Variants in FRAS1 observed in about 807,000 individuals in gnomAD.
FRAS1 encodes extracellular matrix organizing protein FRAS1.
In FRAS1, 290 loss-of-function variants were observed where a neutral mutation model predicts 435.2. The ratio of observed to expected loss-of-function variants is 0.67; its 90% CI spans 0.61 to 0.73. The LOEUF is 0.73. FRAS1 is among the 30% of genes least tolerant of loss of function. FRAS1 has a pLI of 0.00. For synonymous variants in FRAS1, 1,800 were observed against 1,851.0 expected (o/e 0.97, Z 0.71); for missense variants, 4,860 against 5,001.5 (o/e 0.97, Z 0.85).
chr4:78,333,166 G>A (rs1054072365), intron 18 of FRAS1, 106 bp from the exon 19 acceptor site: 1 of 1,308,626 alleles, frequency 7.6e-7, no homozygotes, highest in African/African-American at 1.5e-5. Context: ...CCAAGTGAAT[G>A]TACAGAACAT....
rs573729663 is a variant in FRAS1 at position 78,530,614 on chromosome 4, G to C, written c.10926-3835G>C. 3.9e-5 allele frequency among the ~76,000 whole-genome samples: 6 copies of C among 152,256 alleles called. No individual in the cohort carries two copies. In the South Asian group the frequency reaches 1.2e-3, roughly 32 times the overall value. On this transcript the variant is annotated intron_variant, in intron 70 of 73. Coordinates refer to ENST00000512123, the MANE Select transcript of FRAS1 (RefSeq NM_025074.7). ...AAACTGAAACTGGACTCCATTGCTT[G>C]TTTTTATCAGGTTTTTCAAAGATCA...
At chr4:78,208,726 A>T (rs1429916684) in intron 2 of FRAS1, among the ~76,000 whole-genome samples, 1 of 152,184 alleles carries the variant, frequency 6.6e-6, no homozygotes, top group African/African-American at 2.4e-5. Context: ...ACTTATATTA[A>T]ACTTTTTCTA....
chr4:78,266,908 G>T lies in FRAS1; in HGVS notation c.762G>T (p.Gln254His). Residue 254 changes from glutamine (Q) to histidine (H), a missense_variant, in exon 8 of 74, where the codon CAG becomes CAT. Gln to His is a conservative substitution (Grantham distance 24, BLOSUM62 0). Transcript: ENST00000512123. ...CDRGEVRCHK[Q>H]ACLPLRCGKG... Reference sequence around the variant, plus strand: ...GGGGTGAGGTCAGGTGTCACAAGCAGGCCTGCCTGCCCCTGAGATGCGGAA... The same window carrying T: ...GGGGTGAGGTCAGGTGTCACAAGCATGCCTGCCTGCCCCTGAGATGCGGAA... 6.2e-7 allele frequency: 1 copy of T among 1,607,778 alleles called. No homozygotes were observed.
In FRAS1 at chr4:78,379,885, T is replaced by C; in HGVS notation, c.3452T>C (p.Leu1151Pro). Residue 1151 changes from leucine to proline, a missense_variant, in exon 27 of 74, where the codon CTA becomes CCA. Transcript: ENST00000512123. ...HVVSTPTNGQ[L>P]VLSRNGKEVQ... ...GTGAGCACTCCCACCAATGGTCAGC[T>C]AGTGCTCTCAAGAAATGGAAAAGAG... The C allele has an allele frequency of 6.2e-7, 1 of 1,613,914 alleles. No individual in the cohort carries two copies. Among genetic ancestry groups the C allele is most frequent in the Non-Finnish European group, 8.5e-7 (1 of 1,179,858 alleles).
At chr4:78,358,477 T>G (rs988116238) in intron 20 of FRAS1, among the ~76,000 whole-genome samples, 13 of 152,202 alleles carry the variant, frequency 8.5e-5, no homozygotes, top group African/African-American at 2.9e-4. Flanking sequence ...CTGGACTTAG[T>G]CTATATATGA....
chr4:78,533,739 G>A (rs2867445), intron 70 of FRAS1, among the ~76,000 whole-genome samples: 67,441 of 152,012 alleles, frequency 0.44, 15,546 homozygotes, highest in East Asian at 0.79. Flanking sequence ...CTGAGTTTGG[G>A]TTATCTGACA....
chr4:78,163,774 T>C (rs1721233687), intron 2 of FRAS1, among the ~76,000 whole-genome samples: 2 of 152,134 alleles, frequency 1.3e-5, no homozygotes, highest in South Asian at 4.1e-4. Flanking sequence ...GTTGAAAAAA[T>C]AATATTTTGT....
chr4:78,090,246 C>G (rs13105556), intron 2 of FRAS1, among the ~76,000 whole-genome samples: 5,914 of 152,264 alleles, frequency 0.039, 164 homozygotes, highest in Non-Finnish European at 0.058. Context: ...CATGAGCCAT[C>G]AAGTTCCAGA....
intron 6 of FRAS1, among the ~76,000 whole-genome samples, chr4:78,259,362 G>A (rs1725962553): frequency 7.4e-6 from 1 of 134,790 alleles, no homozygotes; most frequent in Non-Finnish European, 1.6e-5. Context: ...CTCCTCTCCA[G>A]CACCTGTTGT....
At chr4:78,203,890 C>T (rs1221097313) in intron 2 of FRAS1, among the ~76,000 whole-genome samples, 1 of 152,218 alleles carries the variant, frequency 6.6e-6, no homozygotes, top group African/African-American at 2.4e-5. Context: ...CTACTGTAAA[C>T]AAGTGCCCTT....
intron 9 of FRAS1, among the ~76,000 whole-genome samples, chr4:78,274,519 T>C (rs1246570226): frequency 6.6e-6 from 1 of 152,226 alleles, no homozygotes; most frequent in African/African-American, 2.4e-5. Context: ...GTTGTGTCTT[T>C]GTTCTCGTTG....
At chr4:78,442,186 C>A (rs977417630) in intron 41 of FRAS1, among the ~76,000 whole-genome samples, 2 of 152,240 alleles carry the variant, frequency 1.3e-5, no homozygotes, top group African/African-American at 4.8e-5. Context: ...ATCCTTTTCC[C>A]ATCTTTCCTT....
chr4:78,517,373 A>T (rs1431158007), intron 66 of FRAS1, among the ~76,000 whole-genome samples: 1 of 152,194 alleles, frequency 6.6e-6, no homozygotes, highest in Non-Finnish European at 1.5e-5. Flanking sequence ...AAAAATTAGT[A>T]TTCTCTGTTC....
Position 78,369,874 on chromosome 4 carries a change from C to T in FRAS1, c.2759C>T (p.Ala920Val). ...CACTGTGGAAGCTGTGATTCACAGG[C>T]CAGCTGTACCTCCTGCCGAGATCCA... is the stretch of plus-strand genomic sequence containing the variant. The part of the protein sequence containing the change: ...NTHCGSCDSQ[A>V]SCTSCRDPNK... Residue 920 changes from alanine (A) to valine (V), a missense_variant, in exon 23 of 74, where the codon GCC becomes GTC. Ala to Val is a moderately conservative substitution (Grantham distance 64). Coordinates refer to ENST00000512123, the MANE Select transcript of FRAS1 (RefSeq NM_025074.7). The T allele has an allele frequency of 1.2e-6, 2 of 1,613,334 alleles. No homozygotes were observed. The highest frequency in any genetic ancestry group is 2.2e-5 in the South Asian group (2 of 90,970).
chr4:78,473,405 G>T, intron 52 of FRAS1, 33 bp from the exon 53 acceptor site: 1 of 1,592,482 alleles, frequency 6.3e-7, no homozygotes, highest in African/African-American at 1.3e-5. Context: ...TTACATCCCT[G>T]GGTTAATTCA....
Position 78,489,041 on chromosome 4 carries a change from T to C in FRAS1, c.8919T>C (p.Asn2973=), listed in dbSNP as rs1035614375. The change falls in exon 59 of 74, where the codon AAT becomes AAC. Residue 2973 remains asparagine, a synonymous_variant. Coordinates refer to ENST00000512123, the MANE Select transcript of FRAS1 (RefSeq NM_025074.7). ...TGGAGGACTTTGAGGAGAGACAAAA[T>C]GCAGACTCTTCACGGATTACATTTC... ...QVMEDFEERQ[N]ADSSRITFLK... is the part of the protein sequence containing the mutation. 1 of 1,613,530 alleles carries C rather than the reference T, an allele frequency of 6.2e-7. No individual in the cohort carries two copies. The highest frequency in any genetic ancestry group is 1.7e-5 in the Admixed American group (1 of 59,970).
chr4:78,377,234 T>C (rs2110315775), intron 26 of FRAS1, among the ~76,000 whole-genome samples: 1 of 152,326 alleles, frequency 6.6e-6, no homozygotes, highest in Middle Eastern at 3.4e-3. Flanking sequence ...TTCAATCATA[T>C]TTTCTGTCTC....
intron 2 of FRAS1, 67 bp from the exon 3 acceptor site, chr4:78,237,443 G>A (rs1356564324): frequency 9.3e-7 from 1 of 1,074,950 alleles, no homozygotes; most frequent in Non-Finnish European, 1.4e-6. Flanking sequence ...ACTATTGATG[G>A]TGCAGCTTTT....
intron 2 of FRAS1, among the ~76,000 whole-genome samples, chr4:78,127,730 TTTTA>T (rs1310478572): frequency 6.6e-6 from 1 of 152,086 alleles, no homozygotes; most frequent in Non-Finnish European, 1.5e-5. Flanking sequence ...AGTAAGTTTT[TTTTA>T]TTTATTTATT....
Sources: gnomAD v4.1 joint callset for allele counts (sites outside exome capture counted in the v4.1 genomes callset) on GRCh38, gnomAD v4.1.1 for gene constraint, MANE v1.5 for transcripts, NCBI Gene and HGNC (gene_info 2026-07-23, HGNC 2026-07-21) for gene names.